The following CD163L1 variants were observed in gnomAD, a reference collection of about 807,000 sequenced individuals.
CD163L1 encodes the protein scavenger receptor cysteine-rich type 1 protein M160.
CD163L1 carries 124 observed loss-of-function variants against 165.4 expected under a neutral mutation model. The ratio of observed to expected loss-of-function variants is 0.75; its 90% confidence interval spans 0.65 to 0.87. The LOEUF is 0.87. Ranked by LOEUF, CD163L1 falls within the 40% of genes least tolerant of loss-of-function variation. CD163L1 has a pLI of 0.00. For synonymous variants in CD163L1, 585 were observed against 662.2 expected (o/e 0.88, Z 1.79); for missense variants, 1,525 against 1,799.9 (o/e 0.85, Z 2.76).
chr12:7,356,988 T>C (rs1427932214), intron 19 of CD163L1, among the ~76,000 whole-genome samples: 1 of 152,186 alleles, frequency 6.6e-6, no homozygotes, highest in Non-Finnish European at 1.5e-5. Context: ...AGGAGTGATA[T>C]TAATGCACGG....
At chr12:7,427,790 T>C (rs1948569941) in intron 4 of CD163L1, among the ~76,000 whole-genome samples, 1 of 152,092 alleles carries the variant, frequency 6.6e-6, no homozygotes, top group African/African-American at 2.4e-5. Flanking sequence ...CCTTCCAAAT[T>C]ATAGAGGTTT....
the CD163L1 span, among the ~76,000 whole-genome samples, chr12:7,334,902 G>T: frequency 3.9e-5 from 6 of 152,164 alleles, no homozygotes; most frequent in African/African-American, 7.2e-5. Flanking sequence ...TTGCTTCAAA[G>T]AGAATAAAAT....
At chr12:7,371,486 C>T (rs115471888) in intron 14 of CD163L1, among the ~76,000 whole-genome samples, 10 of 151,898 alleles carry the variant, frequency 6.6e-5, no homozygotes, top group East Asian at 1.9e-4. Context: ...ATAAAAAGAG[C>T]GCTAAATAAG....
Position 7,421,413 on chromosome 12 carries a change from GTATA to G in CD163L1, c.766+10999_766+11002del, listed in dbSNP as rs1264526181. ...ATATATGTATATATATCTTCCAAATGTATATATACATATATGTACATATATACAT... is the reference window on the plus strand; with the variant it reads ...ATATATGTATATATATCTTCCAAATGTATACATATATGTACATATATACAT... On this transcript the variant is annotated intron_variant, in intron 4 of 19. Coordinates refer to ENST00000313599, the MANE Select transcript of CD163L1 (RefSeq NM_174941.6). Among the ~76,000 whole-genome samples the G allele has an allele frequency of 3.1e-5, 2 of 64,612 alleles. 1 individual carries two copies. The highest frequency in any genetic ancestry group is 5.1e-5 in the Non-Finnish European group (2 of 39,324). 42.4% of individuals were successfully genotyped at this position (64,612 alleles called of 152,430 possible).
the CD163L1 span, among the ~76,000 whole-genome samples, chr12:7,323,799 G>C: frequency 6.6e-6 from 1 of 152,124 alleles, no homozygotes; most frequent in African/African-American, 2.4e-5. Flanking sequence ...GGTGCAGTTG[G>C]GGGGTGCTAG....
chr12:7,383,403 G>T (rs1947453201), intron 8 of CD163L1, among the ~76,000 whole-genome samples: 1 of 152,088 alleles, frequency 6.6e-6, no homozygotes, highest in African/African-American at 2.4e-5. Context: ...ACTGCTATTG[G>T]TGACACCAGT....
chr12:7,363,040 C>A (rs1946938110), intron 18 of CD163L1, among the ~76,000 whole-genome samples: 1 of 151,726 alleles, frequency 6.6e-6, no homozygotes, highest in South Asian at 2.1e-4. Context: ...CAAAAATATA[C>A]ACGAAATAAC....
intron 2 of CD163L1, among the ~76,000 whole-genome samples, chr12:7,438,627 T>C (rs756672264): frequency 6.8e-4 from 104 of 152,330 alleles, no homozygotes; most frequent in African/African-American, 2.4e-3. Context: ...GACTAAGAGA[T>C]AAGCTGCAGT....
intron 2 of CD163L1, chr12:7,440,029 C>T (rs1315947811): frequency 3.0e-6 from 4 of 1,332,834 alleles, no homozygotes; most frequent in Admixed American, 3.9e-5. Context: ...CCCGCTGCGA[C>T]ACACACCCCA....
chr12:7,421,131 G>A (rs1298491491), intron 4 of CD163L1, among the ~76,000 whole-genome samples: 20 of 3,306 alleles, frequency 6.0e-3, no homozygotes, highest in African/African-American at 0.01. Flanking sequence ...GTATATATAC[G>A]TATATATGTA....
the CD163L1 span, among the ~76,000 whole-genome samples, chr12:7,330,990 C>T: frequency 3.3e-5 from 5 of 152,186 alleles, no homozygotes; most frequent in Non-Finnish European, 5.9e-5. Context: ...GGCGAGGCAT[C>T]GCCTCACCCA....
intron 4 of CD163L1, among the ~76,000 whole-genome samples, chr12:7,410,000 C>G (rs1204494823): frequency 6.6e-6 from 1 of 151,292 alleles, no homozygotes; most frequent in Non-Finnish European, 1.5e-5. Context: ...ATATGTACGA[C>G]AAAATAAAAG....
At chr12:7,418,541 G>T (rs888571590) in intron 4 of CD163L1, among the ~76,000 whole-genome samples, 1 of 151,636 alleles carries the variant, frequency 6.6e-6, no homozygotes, top group East Asian at 1.9e-4. Flanking sequence ...GATCAGAGCA[G>T]AACTAAATGA....
At chr12:7,386,015 C>A (rs1258704302) in intron 8 of CD163L1, among the ~76,000 whole-genome samples, 2 of 151,822 alleles carry the variant, frequency 1.3e-5, no homozygotes, top group African/African-American at 4.8e-5. Flanking sequence ...CAGAATTAAA[C>A]AAAATAGAGC....
At chr12:7,386,547 G>A (rs1169164573) in intron 8 of CD163L1, among the ~76,000 whole-genome samples, 2 of 136,144 alleles carry the variant, frequency 1.5e-5, no homozygotes, top group African/African-American at 2.8e-5. Flanking sequence ...TATCCTTGAT[G>A]AACATAGATA....
At chr12:7,334,997 C>T in the CD163L1 span, among the ~76,000 whole-genome samples, 1 of 152,086 alleles carries the variant, frequency 6.6e-6, no homozygotes, top group African/African-American at 2.4e-5. Flanking sequence ...AAAGAGGATA[C>T]AAACAAATGG....
At chr12:7,380,277 GTGT>G (rs1591900925) in intron 8 of CD163L1, among the ~76,000 whole-genome samples, 9 of 248 alleles carry the variant, frequency 0.036, no homozygotes, top group East Asian at 0.1. Context: ...AAACTGTGGT[GTGT>G]GTGTGTGTGT....
At chr12:7,325,543 A>G in the CD163L1 span, among the ~76,000 whole-genome samples, 1 of 152,180 alleles carries the variant, frequency 6.6e-6, no homozygotes, top group Non-Finnish European at 1.5e-5. Flanking sequence ...GCTACTTAGG[A>G]GGCTGAGGCA....
rs781402489 is a variant in CD163L1 at position 7,384,542 on chromosome 12, C to G, written c.2051-5244G>C. Among the ~76,000 whole-genome samples, 6 of 151,996 alleles carry G rather than the reference C, an allele frequency of 3.9e-5. No homozygotes were observed. In the East Asian group the frequency reaches 9.7e-4, roughly 24 times the overall value. ...CAAGATAAAAAAATAATTTTAAATA[C>G]AAGAAAAAGATGGCCACTCATGTGT... On this transcript the variant is annotated intron_variant, in intron 8 of 19. Transcript: ENST00000313599.
Sources: gnomAD v4.1 joint callset for allele counts (sites outside exome capture counted in the v4.1 genomes callset) on GRCh38, gnomAD v4.1.1 for gene constraint, MANE v1.5 for transcripts, NCBI Gene and HGNC (gene_info 2026-07-23, HGNC 2026-07-21) for gene names.